CACNA1H: variants seen among roughly 807,000 people sequenced by gnomAD.
The protein encoded by CACNA1H is calcium voltage-gated channel subunit alpha1 H, also known as voltage-dependent T-type calcium channel subunit alpha-1H.
CACNA1H carries 149 observed loss-of-function variants against 192.5 expected under a neutral mutation model. The observed-to-expected ratio is 0.77, with a 90% CI of 0.68 to 0.89. The LOEUF (loss-of-function observed/expected upper bound fraction) is 0.89. CACNA1H is among the 40% of genes least tolerant of loss of function. The probability of loss-of-function intolerance (pLI) is 0.00; values close to 1 mark genes in which losing one functional copy is unlikely to be tolerated. For synonymous variants in CACNA1H, 2,202 were observed against 1,475.2 expected, an observed-to-expected ratio of 1.49 and a Z score of -11.29; for missense variants, 4,257 against 3,423.5, an observed-to-expected ratio of 1.24 and a Z score of -6.08.
intron 30 of CACNA1H, 78 bp downstream of exon 30, chr16:1,215,671 C>T (rs767870841): frequency 3.5e-6 from 4 of 1,142,810 alleles, no homozygotes; most frequent in South Asian, 1.4e-5. Flanking sequence ...GTCCCCCTCT[C>T]CCCCTCACTC....
chr16:1,156,541 G>C (rs2151622490), intron 2 of CACNA1H, among the ~76,000 whole-genome samples: 1 of 152,312 alleles, frequency 6.6e-6, no homozygotes, highest in African/African-American at 2.4e-5. Context: ...GGAGGCGGCA[G>C]GGGCGGTGGG....
chr16:1,218,216 C>T lies in CACNA1H; in HGVS notation c.5452C>T (p.Leu1818=), dbSNP rs1167900666. 1 of 1,549,132 alleles carries T rather than the reference C, an allele frequency of 6.5e-7. No homozygotes were observed. The highest frequency in any genetic ancestry group is 1.4e-5 in the African/African-American group (1 of 73,050). Residue 1818 remains leucine, a synonymous_variant, in exon 33 of 35, where the codon CTG becomes TTG. Coordinates refer to ENST00000348261, the MANE Select transcript of CACNA1H (RefSeq NM_021098.3). ...CAGCTGTCCCCCACCGCAGGACACG[C>T]TGCGCGAGTGCTCCCGTGAGGACAA... ...DNWNGIMKDT[L]RECSREDKHC... is the part of the protein sequence containing the mutation.
chr16:1,156,941 T>C (rs1263738208), intron 2 of CACNA1H: 2 of 152,228 alleles, frequency 1.3e-5, no homozygotes, highest in African/African-American at 4.8e-5. Context: ...CCTTATTGAT[T>C]GGTTTCTTAA....
rs72552035 is a variant in CACNA1H, at chr16:1,208,312, G to A, written c.3363+91G>A. Reference sequence around the variant, plus strand: ...CCTTCCCTGAAGATGAGTGAGGGCCGCACCCCCCACACCCTTGAAGTCCCA... The same window carrying A: ...CCTTCCCTGAAGATGAGTGAGGGCCACACCCCCCACACCCTTGAAGTCCCA... On this transcript the variant is annotated intron_variant, in intron 16 of 34. Transcript: ENST00000348261. 0.019 allele frequency: 16,455 copies of A among 874,666 alleles called. 393 individuals are homozygous for A. The highest frequency in any genetic ancestry group is 0.086 in the African/African-American group (5,082 of 59,278). The allele number at this position is 874,666 out of a possible 1,614,324, so 54.2% of individuals were successfully genotyped here.
At chr16:1,173,092 T>C (rs1964527798) in intron 2 of CACNA1H, among the ~76,000 whole-genome samples, 2 of 151,972 alleles carry the variant, frequency 1.3e-5, no homozygotes, top group African/African-American at 4.8e-5. Context: ...GAAGCCCAAG[T>C]GTCCTTGTGG....
intron 2 of CACNA1H, among the ~76,000 whole-genome samples, chr16:1,181,981 C>T (rs868825974): frequency 6.6e-6 from 1 of 152,150 alleles, no homozygotes; most frequent in Non-Finnish European, 1.5e-5. Flanking sequence ...CACACGCATG[C>T]ACACAGGCTC....
At chr16:1,188,244 G>A (rs1404196022) in intron 2 of CACNA1H, among the ~76,000 whole-genome samples, 1 of 152,184 alleles carries the variant, frequency 6.6e-6, no homozygotes, top group Admixed American at 6.5e-5. Flanking sequence ...TGTTACCTGG[G>A]ATGTTAGCTG....
At position 1,218,464 on chromosome 16, in the gene CACNA1H, C is replaced by G. The variant is rs546638839; in HGVS notation, c.5700C>G (p.Pro1900=). 1 of 1,551,662 alleles carries G rather than the reference C, an allele frequency of 6.4e-7. No individual in the cohort carries two copies. The highest frequency in any genetic ancestry group is 1.2e-5 in the South Asian group (1 of 84,130). ...SARRVDADRP[P]LPQESPGARD... is the part of the protein sequence containing the mutation. ...GCCGGGTGGACGCGGACAGGCCTCC[C>G]TTGCCCCAGGAGAGTCCGGGCGCCA... The change falls in exon 33 of 35, where the codon CCC becomes CCG. Residue 1900 remains proline, a synonymous_variant. Transcript: ENST00000348261.
Position 1,200,575 on chromosome 16 carries a change from G to A in CACNA1H, c.1119+4G>A, listed in dbSNP as rs1323525541. 10 of 1,611,420 alleles carry A rather than the reference G, an allele frequency of 6.2e-6. No individual in the cohort carries two copies. Among genetic ancestry groups the A allele is most frequent in the African/African-American group, 1.3e-5 (1 of 74,918 alleles). On this transcript the variant is annotated splice_donor_region_variant and intron_variant, in intron 7 of 34. Transcript: ENST00000348261. ...CGCCTGGATTGCCATCTTCCAGGTG[G>A]GCGGCAAGATGGTGGGACGGGGACC...
At chr16:1,158,480 T>C (rs903097435) in intron 2 of CACNA1H, among the ~76,000 whole-genome samples, 2 of 152,066 alleles carry the variant, frequency 1.3e-5, no homozygotes. Context: ...GCGCCTGTCG[T>C]AGTCATTCCC....
intron 2 of CACNA1H, among the ~76,000 whole-genome samples, chr16:1,169,191 T>C (rs1964110593): frequency 6.7e-6 from 1 of 149,604 alleles, no homozygotes; most frequent in South Asian, 2.2e-4. Context: ...GGGGTGGGGC[T>C]TGCTGGGGGT....
At chr16:1,205,668 T>C (rs140216040) in intron 11 of CACNA1H, among the ~76,000 whole-genome samples, 86 of 152,218 alleles carry the variant, frequency 5.6e-4, no homozygotes, top group African/African-American at 2.0e-3. Flanking sequence ...CCAGAAAGGA[T>C]TGGGAAAATT....
At chr16:1,168,895 G>T (rs990136178) in intron 2 of CACNA1H, among the ~76,000 whole-genome samples, 3 of 152,172 alleles carry the variant, frequency 2.0e-5, no homozygotes, top group Non-Finnish European at 4.4e-5. Flanking sequence ...GGGGTGCCCC[G>T]CTCTGAAGTA....
rs199547941 is a variant in CACNA1H, at chr16:1,219,971, G to A, written c.6049-10G>A. ...GCCCCGCCCCTCACTTTGACTCTAC[G>A]CCCCCACAGGAGGCTGTGCACACCG... On this transcript the variant is annotated splice_polypyrimidine_tract_variant and intron_variant, in intron 34 of 34. Transcript: ENST00000348261. 207 of 1,289,448 alleles carry A rather than the reference G, an allele frequency of 1.6e-4. No individual in the cohort carries two copies. The highest frequency in any genetic ancestry group is 1.9e-4 in the Non-Finnish European group (194 of 1,012,860). The allele number at this position is 1,289,448 out of a possible 1,614,324, so 79.9% of individuals were successfully genotyped here. A position where few individuals can be genotyped will look rare whatever the true frequency, so the allele number is the denominator to read the frequency against.
intron 9 of CACNA1H, among the ~76,000 whole-genome samples, chr16:1,202,776 G>A (rs1444838871): frequency 6.6e-6 from 1 of 152,132 alleles, no homozygotes; most frequent in Admixed American, 6.5e-5. Context: ...GAGAGGGACC[G>A]TATGCTTGTG....
At position 1,198,651 on chromosome 16, in the gene CACNA1H, T is replaced by C; in HGVS notation, c.680T>C (p.Leu227Pro). The change falls in exon 6 of 35, where the codon CTG becomes CCG. Residue 227 changes from leucine to proline, a missense_variant. Transcript: ENST00000348261. ...CTGGTCACTCTGCTGCTGGATACGCTGCCCATGCTCGGGAACGTCCTTCTG... is the reference window on the plus strand; with the variant it reads ...CTGGTCACTCTGCTGCTGGATACGCCGCCCATGCTCGGGAACGTCCTTCTG... ...RILVTLLLDT[L>P]PMLGNVLLLC... 1 of 1,613,442 alleles carries C rather than the reference T, an allele frequency of 6.2e-7. No homozygotes were observed. Among genetic ancestry groups the C allele is most frequent in the East Asian group, 2.2e-5 (1 of 44,886 alleles).
intron 2 of CACNA1H, among the ~76,000 whole-genome samples, chr16:1,169,240 C>T (rs946776911): frequency 1.3e-5 from 2 of 152,162 alleles, no homozygotes; most frequent in Admixed American, 6.5e-5. Context: ...GACGGGCTTC[C>T]TTTGCCGCTA....
intron 2 of CACNA1H, among the ~76,000 whole-genome samples, 187 bp downstream of exon 2, chr16:1,154,223 TG>T (rs1249118376): frequency 1.4e-5 from 2 of 143,178 alleles, no homozygotes; most frequent in African/African-American, 5.2e-5. Flanking sequence ...GTGGCGGGCT[TG>T]GGGGGCCACC....
chr16:1,213,419 G>A (rs1366418827), intron 26 of CACNA1H, among the ~76,000 whole-genome samples: 2 of 152,080 alleles, frequency 1.3e-5, no homozygotes, highest in African/African-American at 4.8e-5. Context: ...CAGTTGGGAT[G>A]TGGGGGAGCC....
Sources: gnomAD v4.1 joint callset for allele counts (sites outside exome capture counted in the v4.1 genomes callset) on GRCh38, gnomAD v4.1.1 for gene constraint, MANE v1.5 for transcripts, NCBI Gene and HGNC (gene_info 2026-07-23, HGNC 2026-07-21) for gene names.